Variants in VKORC1L1 observed in about 807,000 individuals in gnomAD.
VKORC1L1 encodes vitamin K epoxide reductase complex subunit 1L1, also known as vitamin K epoxide reductase complex subunit 1-like protein 1.
A neutral mutation model predicts 18.9 loss-of-function variants in VKORC1L1; 2 were observed. The observed-to-expected ratio is 0.11, with a 90% CI of 0.04 to 0.33. The LOEUF is 0.33. VKORC1L1 is among the 10% of genes least tolerant of loss of function. VKORC1L1 has a pLI of 1.00. For missense variants in VKORC1L1, 123 were observed against 224.1 expected (o/e 0.55, Z 2.88); for synonymous variants, 96 against 100.0 (o/e 0.96, Z 0.24).
At chr7:65,952,061 A>G (rs959356120) in intron 2 of VKORC1L1, among the ~76,000 whole-genome samples, 2 of 152,182 alleles carry the variant, frequency 1.3e-5, no homozygotes, top group African/African-American at 2.4e-5. Flanking sequence ...AGCTCATTTA[A>G]TTGCCCAGCA....
intron 1 of VKORC1L1, among the ~76,000 whole-genome samples, chr7:65,924,310 A>G (rs1365477579): frequency 6.6e-6 from 1 of 152,202 alleles, no homozygotes; most frequent in Non-Finnish European, 1.5e-5. Context: ...TTTAGTGGCC[A>G]ATCAGCCACT....
chr7:65,921,834 C>T (rs1247310084), intron 1 of VKORC1L1, among the ~76,000 whole-genome samples: 3 of 150,104 alleles, frequency 2.0e-5, no homozygotes, highest in Non-Finnish European at 3.0e-5. Flanking sequence ...GGCGACAGAG[C>T]GAGACTCCAT....
At chr7:65,887,685 T>C (rs189575538) in intron 1 of VKORC1L1, among the ~76,000 whole-genome samples, 3 of 152,348 alleles carry the variant, frequency 2.0e-5, no homozygotes, top group African/African-American at 7.2e-5. Context: ...AGTAGAATAA[T>C]TTGTAAATAC....
rs1176887648 is a variant in VKORC1L1, at chr7:65,922,696, G to A, written c.195-25975G>A. On this transcript the variant is annotated intron_variant, in intron 1 of 2. Coordinates refer to ENST00000360768, the MANE Select transcript of VKORC1L1 (RefSeq NM_173517.6). ...TCATTTTCAGCCGAAATGTACACTT[G>A]CACCTGGAATTGTGGATTGGCAGTT... 5.3e-5 allele frequency among the ~76,000 whole-genome samples: 8 copies of A among 152,174 alleles called. 1 individual carries two copies. In the East Asian group the frequency reaches 1.5e-3, roughly 29 times the overall value.
intron 1 of VKORC1L1, among the ~76,000 whole-genome samples, chr7:65,907,964 A>G (rs1789433312): frequency 6.6e-6 from 1 of 152,084 alleles, no homozygotes; most frequent in African/African-American, 2.4e-5. Flanking sequence ...CTCTGGTCCC[A>G]GCTTTGATTA....
At chr7:65,885,708 TTC>T (rs1398151627) in intron 1 of VKORC1L1, among the ~76,000 whole-genome samples, 2 of 152,108 alleles carry the variant, frequency 1.3e-5, no homozygotes, top group African/African-American at 4.8e-5. Context: ...TAAGGCCTCT[TTC>T]TGGATTCTCA....
At chr7:65,876,467 A>T (rs999781788) in intron 1 of VKORC1L1, among the ~76,000 whole-genome samples, 2 of 150,458 alleles carry the variant, frequency 1.3e-5, no homozygotes, top group Non-Finnish European at 2.9e-5. Flanking sequence ...GCGCCATTGC[A>T]CTCCAGCCTG....
rs575748362 is a variant in VKORC1L1, at chr7:65,925,065, G to T, written c.195-23606G>T. Among the ~76,000 whole-genome samples the T allele has an allele frequency of 3.4e-4, 52 of 152,100 alleles. 1 individual carries two copies. In the South Asian group the frequency reaches 0.011, roughly 32 times the overall value. The stretch of plus-strand genomic sequence containing the variant: ...TTCTCCCTGAACACTCTTCTTCATG[G>T]CTATCATGTTTAGAACCATACTTCT... On this transcript the variant is annotated intron_variant, in intron 1 of 2. Coordinates refer to ENST00000360768, the MANE Select transcript of VKORC1L1 (RefSeq NM_173517.6).
At position 65,886,525 on chromosome 7, in the gene VKORC1L1, GTTT is replaced by G. The variant is rs537624674; in HGVS notation, c.194+12968_194+12970del. Among the ~76,000 whole-genome samples the G allele has an allele frequency of 3.9e-3, 584 of 148,894 alleles. 6 individuals are homozygous for G. Among genetic ancestry groups the G allele is most frequent in the African/African-American group, 0.014 (557 of 40,706 alleles). ...GAAGGTGCCTTTTGAGAAGGTGAGAGTTTTTTTTTTATTATTTTATTTATTTTT... is the reference window on the plus strand; with the variant it reads ...GAAGGTGCCTTTTGAGAAGGTGAGAGTTTTTTTATTATTTTATTTATTTTT... On this transcript the variant is annotated intron_variant, in intron 1 of 2. Coordinates refer to ENST00000360768, the MANE Select transcript of VKORC1L1 (RefSeq NM_173517.6).
chr7:65,936,774 T>C (rs1454143926), intron 1 of VKORC1L1, among the ~76,000 whole-genome samples: 2 of 152,232 alleles, frequency 1.3e-5, no homozygotes, highest in African/African-American at 4.8e-5. Context: ...CCCCTTTCGC[T>C]GTTTCTCTTG....
At chr7:65,880,637 T>C (rs1340950033) in intron 1 of VKORC1L1, among the ~76,000 whole-genome samples, 2 of 152,180 alleles carry the variant, frequency 1.3e-5, no homozygotes, top group African/African-American at 4.8e-5. Context: ...TGGTGCTAGC[T>C]AAAGCGCCAC....
chr7:65,922,415 G>A lies in VKORC1L1; in HGVS notation c.195-26256G>A, dbSNP rs188405775. 3.8e-3 allele frequency among the ~76,000 whole-genome samples: 583 copies of A among 152,080 alleles called. 5 individuals carry two copies. The highest frequency in any genetic ancestry group is 0.013 in the African/African-American group (556 of 41,500). ...CCTGCCTCAGCCTCCCGAGTAGCTG[G>A]GATTACAGATGTGCTGCACCACCAC... On this transcript the variant is annotated intron_variant, in intron 1 of 2. Coordinates refer to ENST00000360768, the MANE Select transcript of VKORC1L1 (RefSeq NM_173517.6).
At chr7:65,876,208 G>C (rs1358734911) in intron 1 of VKORC1L1, among the ~76,000 whole-genome samples, 1 of 152,112 alleles carries the variant, frequency 6.6e-6, no homozygotes, top group African/African-American at 2.4e-5. Flanking sequence ...TTAACAAAAG[G>C]ATATTTCCAT....
chr7:65,944,232 G>A (rs1423160074), intron 1 of VKORC1L1, among the ~76,000 whole-genome samples: 1 of 151,910 alleles, frequency 6.6e-6, no homozygotes, highest in Non-Finnish European at 1.5e-5. Flanking sequence ...GCCCTGCGTG[G>A]TGGTGGGAGC....
chr7:65,928,040 C>G (rs1789794999), intron 1 of VKORC1L1, among the ~76,000 whole-genome samples: 1 of 151,912 alleles, frequency 6.6e-6, no homozygotes, highest in South Asian at 2.1e-4. Context: ...TAGTAAGGCA[C>G]TTAGAATTGA....
chr7:65,958,517 G>T lies in VKORC1L1; in HGVS notation c.*4217G>T, dbSNP rs1412324191. 1 of 152,128 alleles carries T rather than the reference G, an allele frequency of 6.6e-6. No homozygotes were observed. Among genetic ancestry groups the T allele is most frequent in the Non-Finnish European group, 1.5e-5 (1 of 68,030 alleles). 9.4% of individuals were successfully genotyped at this position (152,128 alleles called of 1,614,324 possible). On this transcript the variant is annotated 3_prime_UTR_variant, in exon 3 of 3. Coordinates refer to ENST00000360768, the MANE Select transcript of VKORC1L1 (RefSeq NM_173517.6). ...TTATTTGTTGCACATAACTTTTTTG[G>T]TATAAAATAAATGTAGAAGTTACCT...
chr7:65,878,087 A>G (rs780842915), intron 1 of VKORC1L1, among the ~76,000 whole-genome samples: 2 of 152,136 alleles, frequency 1.3e-5, no homozygotes, highest in East Asian at 1.9e-4. Flanking sequence ...TACCTCTCCC[A>G]TATCTTAAAA....
chr7:65,937,640 T>A (rs1408446282), intron 1 of VKORC1L1, among the ~76,000 whole-genome samples: 1 of 152,116 alleles, frequency 6.6e-6, no homozygotes, highest in Non-Finnish European at 1.5e-5. Context: ...CTCAGACTCC[T>A]GGGTTCAAGC....
intron 1 of VKORC1L1, among the ~76,000 whole-genome samples, chr7:65,891,286 G>T (rs1789107540): frequency 6.6e-6 from 1 of 151,864 alleles, no homozygotes; most frequent in Non-Finnish European, 1.5e-5. Flanking sequence ...AATTTCTCTT[G>T]TGTATATATC....
Sources: allele counts gnomAD v4.1 joint callset (sites outside exome capture counted in the v4.1 genomes callset), GRCh38; gene constraint gnomAD v4.1.1; transcripts MANE v1.5; gene names NCBI Gene and HGNC (gene_info 2026-07-23, HGNC 2026-07-21).